FANCI: variants seen among roughly 807,000 people sequenced by gnomAD.
FANCI encodes FA complementation group I, also known as Fanconi anemia group I protein.
Under a neutral mutation model 176.1 loss-of-function variants are expected in FANCI, and 156 were observed. That is an observed-to-expected ratio of 0.89 (90% confidence interval 0.78 to 1.01). The LOEUF is 1.01. FANCI is among the 50% of genes least tolerant of loss of function. The probability of loss-of-function intolerance (pLI) is 0.00; values close to 1 mark genes in which losing one functional copy is unlikely to be tolerated. For missense variants in FANCI, 1,678 were observed against 1,534.1 expected (o/e 1.09, Z -1.57); for synonymous variants, 613 against 541.7 (o/e 1.13, Z -1.83).
At chr15:89,311,343 T>C (rs1333257578) in intron 34 of FANCI, among the ~76,000 whole-genome samples, 3 of 151,864 alleles carry the variant, frequency 2.0e-5, no homozygotes, top group Non-Finnish European at 2.9e-5. Flanking sequence ...CGCTTGAACC[T>C]GGGAGGCAGA....
In FANCI at chr15:89,316,922, G is replaced by C. The variant is rs1009560100; in HGVS notation, c.*463G>C. The stretch of plus-strand genomic sequence containing the variant: ...AGGAGCTTAATGCTAAGGTCAAAAG[G>C]AGAGTGAAAGGTTGAGAACAATTGC... On this transcript the variant is annotated 3_prime_UTR_variant, in exon 38 of 38. Transcript: ENST00000310775. 1.1e-6 allele frequency: 1 copy of C among 896,930 alleles called. No individual in the cohort carries two copies. The highest frequency in any genetic ancestry group is 1.9e-6 in the Non-Finnish European group (1 of 529,532). 55.6% of individuals were successfully genotyped at this position (896,930 alleles called of 1,614,324 possible). A position where few individuals can be genotyped will look rare whatever the true frequency, so the allele number is the denominator to read the frequency against.
chr15:89,283,388 C>A (rs1043428157), intron 17 of FANCI, 138 bp downstream of exon 17: 2 of 1,308,466 alleles, frequency 1.5e-6, no homozygotes, highest in East Asian at 2.5e-5. Context: ...GATGATGGTG[C>A]TGATGATGAT....
chr15:89,292,960 T>C lies in FANCI; in HGVS notation c.2188T>C (p.Ser730Pro), dbSNP rs1596304843. 4 of 1,614,166 alleles carry C rather than the reference T, an allele frequency of 2.5e-6. No individual in the cohort carries two copies. The highest frequency in any genetic ancestry group is 2.2e-5 in the East Asian group (1 of 44,856). ...CTTTTAGGATAAATCAGCAGATTTTTCTCAGAGCACCAGTATTGGCATAAA... is the reference window on the plus strand; with the variant it reads ...CTTTTAGGATAAATCAGCAGATTTTCCTCAGAGCACCAGTATTGGCATAAA... ...DFELDKSADFSQSTSIGIKNN... is the reference protein window; with the variant it reads ...DFELDKSADFPQSTSIGIKNN... The change falls in exon 22 of 38, where the codon TCT becomes CCT. Residue 730 changes from serine (S) to proline (P), a missense_variant. By Grantham distance (74) the Ser-to-Pro change is moderately conservative. This residue lies in a region of FANCI where 1,204 missense variants were observed against 1,077.4 expected (regional missense o/e 1.12). Transcript: ENST00000310775.
chr15:89,277,843 A>G lies in FANCI; in HGVS notation c.1294-844A>G, dbSNP rs145687875. Among the ~76,000 whole-genome samples the G allele has an allele frequency of 3.1e-3, 473 of 152,264 alleles. 8 individuals are homozygous for G. Among genetic ancestry groups the G allele is most frequent in the East Asian group, 0.016 (85 of 5,178 alleles). On this transcript the variant is annotated intron_variant, in intron 13 of 37. Transcript: ENST00000310775. ...TTCCTCTAAGTCTTCTTGATGTTCA[A>G]TTGTTTAATGTAGCTACACACCAAG...
At chr15:89,251,566 G>A (rs1208996614) in intron 2 of FANCI, among the ~76,000 whole-genome samples, 1 of 152,034 alleles carries the variant, frequency 6.6e-6, no homozygotes, top group Non-Finnish European at 1.5e-5. Flanking sequence ...AGAAAAAAGA[G>A]GATATAGACT....
chr15:89,246,630 T>C (rs2051985721), intron 1 of FANCI, among the ~76,000 whole-genome samples: 1 of 152,190 alleles, frequency 6.6e-6, no homozygotes, highest in Non-Finnish European at 1.5e-5. Context: ...AACCTGGTTG[T>C]CTGGACTACC....
intron 17 of FANCI, among the ~76,000 whole-genome samples, chr15:89,283,486 G>T (rs1596288726): frequency 6.6e-6 from 1 of 152,268 alleles, no homozygotes; most frequent in East Asian, 1.9e-4. Flanking sequence ...ACTGTCCTCA[G>T]TGTGGCTATT....
intron 15 of FANCI, 52 bp from the exon 16 acceptor site, chr15:89,281,713 C>T (rs8027937): frequency 1.9e-6 from 3 of 1,547,324 alleles, no homozygotes; most frequent in Non-Finnish European, 2.7e-6. Flanking sequence ...TAGAAATGAC[C>T]TAAGGCTAAT....
At chr15:89,293,655 A>G (rs2054148774) in intron 22 of FANCI, among the ~76,000 whole-genome samples, 178 bp from the exon 23 acceptor site, 4 of 152,202 alleles carry the variant, frequency 2.6e-5, no homozygotes, top group African/African-American at 9.7e-5. Context: ...ACCAGGGGAA[A>G]CAAAACCCAG....
At chr15:89,251,306 A>C (rs1402128082) in intron 2 of FANCI, among the ~76,000 whole-genome samples, 1 of 152,220 alleles carries the variant, frequency 6.6e-6, no homozygotes, top group Non-Finnish European at 1.5e-5. Flanking sequence ...AAGAAAAGAG[A>C]AAGTTATGAA....
rs1250282852 is a variant in FANCI at position 89,305,331 on chromosome 15, T to C, written c.3187-10T>C. 6.2e-7 allele frequency: 1 copy of C among 1,614,064 alleles called. No homozygotes were observed. Among genetic ancestry groups the C allele is most frequent in the Non-Finnish European group, 8.5e-7 (1 of 1,180,046 alleles). On this transcript the variant is annotated splice_polypyrimidine_tract_variant and intron_variant, in intron 29 of 37. Transcript: ENST00000310775. ...CTGTCATTAGGTCTCACCTCTCTTC[T>C]TTTCCCCAGGATGTAGAGGTGGAGA...
chr15:89,279,708 G>A (rs936985264), intron 14 of FANCI, among the ~76,000 whole-genome samples: 8 of 152,076 alleles, frequency 5.3e-5, no homozygotes, highest in Admixed American at 2.0e-4. Flanking sequence ...ATTATTTGAA[G>A]CATGGTTCTC....
At chr15:89,273,787 A>C (rs2053298912) in intron 11 of FANCI, among the ~76,000 whole-genome samples, 1 of 152,246 alleles carries the variant, frequency 6.6e-6, no homozygotes, top group Non-Finnish European at 1.5e-5. Context: ...ATTCACCAGC[A>C]GTTTTACTAT....
chr15:89,247,381 T>A (rs2052036182), intron 1 of FANCI, among the ~76,000 whole-genome samples: 1 of 152,202 alleles, frequency 6.6e-6, no homozygotes, highest in African/African-American at 2.4e-5. Context: ...ACCACTTGAT[T>A]AGAATACAGA....
chr15:89,314,848 C>CTTTTTT, intron 36 of FANCI, 141 bp downstream of exon 36: 1 of 469,554 alleles, frequency 2.1e-6, no homozygotes. Flanking sequence ...CCCCCCCCCC[C>CTTTTTT]CTTTTTTTTT....
At chr15:89,314,976 T>C (rs879279375) in intron 36 of FANCI, among the ~76,000 whole-genome samples, 1 of 151,820 alleles carries the variant, frequency 6.6e-6, no homozygotes, top group Non-Finnish European at 1.5e-5. Flanking sequence ...CACTAGTTTT[T>C]TGGGTTTGTT....
intron 28 of FANCI, among the ~76,000 whole-genome samples, chr15:89,304,777 C>CTT (rs5814364): frequency 4.9e-5 from 7 of 143,806 alleles, no homozygotes; most frequent in African/African-American, 7.7e-5. Context: ...TATAACTTAA[C>CTT]TTTTTTTTTT....
chr15:89,277,076 C>G (rs376626067), intron 13 of FANCI, among the ~76,000 whole-genome samples, 185 bp downstream of exon 13: 2 of 152,192 alleles, frequency 1.3e-5, no homozygotes, highest in Non-Finnish European at 2.9e-5. Flanking sequence ...TACTTACTTA[C>G]GTATTCTTCT....
At chr15:89,253,620 C>G (rs1434411361) in intron 2 of FANCI, among the ~76,000 whole-genome samples, 6 of 151,890 alleles carry the variant, frequency 4.0e-5, no homozygotes, top group African/African-American at 1.5e-4. Context: ...AACTGTCATA[C>G]AAAGTATAGA....
Sources: gnomAD v4.1 joint callset for allele counts (sites outside exome capture counted in the v4.1 genomes callset) on GRCh38, gnomAD v4.1.1 for gene constraint, gnomAD v4.1.1 regional missense constraint, MANE v1.5 for transcripts, NCBI Gene and HGNC (gene_info 2026-07-23, HGNC 2026-07-21) for gene names.